The following TENM3 variants were observed in gnomAD, a reference collection of about 807,000 sequenced individuals.
The protein encoded by TENM3 is teneurin transmembrane protein 3, also known as teneurin-3.
In TENM3, 63 loss-of-function variants were observed where a neutral mutation model predicts 255.1. That is an observed-to-expected ratio of 0.25 (90% CI 0.20 to 0.30). The LOEUF (loss-of-function observed/expected upper bound fraction) is 0.30. TENM3 is among the 10% of genes least tolerant of loss of function. The probability of loss-of-function intolerance (pLI) is 1.00; values close to 1 mark genes in which losing one functional copy is unlikely to be tolerated. For missense variants in TENM3, 2,929 were observed against 3,461.1 expected, an observed-to-expected ratio of 0.85 and a Z score of 3.86; for synonymous variants, 1,306 against 1,322.3, an observed-to-expected ratio of 0.99 and a Z score of 0.27.
chr4:182,729,130 T>C lies in TENM3; in HGVS notation c.2534T>C (p.Ile845Thr). 3.1e-6 allele frequency: 5 copies of C among 1,614,002 alleles called. No individual in the cohort carries two copies. Among genetic ancestry groups the C allele is most frequent in the Non-Finnish European group, 4.2e-6 (5 of 1,179,888 alleles). The change falls in exon 14 of 28, where the codon ATA becomes ACA. Residue 845 changes from isoleucine to threonine, a missense_variant. Physicochemically the swap from Ile to Thr is moderately conservative, Grantham distance 89 (BLOSUM62 -1). Transcript: ENST00000511685. Reference sequence around the variant, plus strand: ...TTTTATGATCGAATCAGTTTCCTTATAGGATCTGATAGCACCCATGTTATA... The same window carrying C: ...TTTTATGATCGAATCAGTTTCCTTACAGGATCTGATAGCACCCATGTTATA... ...KSFYDRISFL[I>T]GSDSTHVIPG...
rs956943369 is a variant in TENM3, at chr4:182,667,776, G to A, written c.1112-5229G>A. ...ACAGGAAGGGGAACATCACACACCG[G>A]GGTCACACACCGGGGCCTATCATGG... On this transcript the variant is annotated intron_variant, in intron 6 of 27. Transcript: ENST00000511685. Among the ~76,000 whole-genome samples, 4 of 89,342 alleles carry A rather than the reference G, an allele frequency of 4.5e-5. No homozygotes were observed. The Admixed American group carries it at 5.0e-4, about 11-fold the overall frequency. The allele number at this position is 89,342 out of a possible 152,430, so 58.6% of individuals were successfully genotyped here. A position where few individuals can be genotyped will look rare whatever the true frequency, so the allele number is the denominator to read the frequency against.
the TENM3 span, among the ~76,000 whole-genome samples, chr4:181,671,415 G>A: frequency 2.0e-5 from 3 of 152,294 alleles, no homozygotes; most frequent in South Asian, 6.2e-4. Flanking sequence ...CAGTAAATGG[G>A]CAGAGTGTGA....
chr4:182,575,351 A>G (rs1272859005), intron 3 of TENM3, among the ~76,000 whole-genome samples: 1 of 152,174 alleles, frequency 6.6e-6, no homozygotes, highest in Non-Finnish European at 1.5e-5. Flanking sequence ...AAAGGGCCAG[A>G]TAGTAAATAT....
the TENM3 span, among the ~76,000 whole-genome samples, chr4:181,467,125 A>ATTTTTTTTTTTT: frequency 4.0e-3 from 70 of 17,426 alleles, no homozygotes; most frequent in Non-Finnish European, 5.7e-3. Context: ...ATATATATAT[A>ATTTTTTTTTTTT]TTTTTTTTTT....
intron 3 of TENM3, among the ~76,000 whole-genome samples, chr4:182,559,891 A>G (rs1246418587): frequency 1.3e-5 from 2 of 152,132 alleles, no homozygotes; most frequent in Non-Finnish European, 2.9e-5. Context: ...ATTTAATTGT[A>G]CATTTTAAAA....
At chr4:182,077,172 A>G in the TENM3 span, among the ~76,000 whole-genome samples, 2 of 152,140 alleles carry the variant, frequency 1.3e-5, no homozygotes, top group African/African-American at 4.8e-5. Context: ...GGGTTGATCT[A>G]TATCATTTCC....
the TENM3 span, among the ~76,000 whole-genome samples, chr4:181,966,027 T>C: frequency 7.2e-5 from 11 of 152,244 alleles, no homozygotes; most frequent in Admixed American, 2.6e-4. Context: ...TAGTGACTTT[T>C]ATAAGCTATC....
At chr4:182,637,226 TATACAAATAAAG>T (rs1426407484) in intron 5 of TENM3, among the ~76,000 whole-genome samples, 6 of 152,212 alleles carry the variant, frequency 3.9e-5, no homozygotes, top group African/African-American at 1.4e-4. Flanking sequence ...CATCCTAGAA[TATACAAATAAAG>T]ATACAAATAT....
At chr4:182,427,233 C>T (rs1268211125) in intron 3 of TENM3, among the ~76,000 whole-genome samples, 1 of 152,148 alleles carries the variant, frequency 6.6e-6, no homozygotes, top group Non-Finnish European at 1.5e-5. Context: ...ACACTTTGGA[C>T]GTTAGGATAT....
At chr4:181,781,532 G>A in the TENM3 span, among the ~76,000 whole-genome samples, 5 of 152,164 alleles carry the variant, frequency 3.3e-5, no homozygotes, top group African/African-American at 1.2e-4. Context: ...AGATGATGGG[G>A]TTTTCTAAAT....
At chr4:181,693,319 A>G in the TENM3 span, among the ~76,000 whole-genome samples, 1 of 152,188 alleles carries the variant, frequency 6.6e-6, no homozygotes, top group Non-Finnish European at 1.5e-5. Context: ...CTCGTCTTAG[A>G]GACTTCACAG....
intron 1 of TENM3, among the ~76,000 whole-genome samples, chr4:182,202,729 G>A (rs1416048974): frequency 6.6e-6 from 1 of 151,374 alleles, no homozygotes; most frequent in Non-Finnish European, 1.5e-5. Context: ...GAATGTGGCA[G>A]AGAGAGAGAG....
At chr4:182,533,073 G>A (rs1213237735) in intron 3 of TENM3, among the ~76,000 whole-genome samples, 1 of 152,208 alleles carries the variant, frequency 6.6e-6, no homozygotes, top group African/African-American at 2.4e-5. Flanking sequence ...GAGCACTAAA[G>A]AGAGTTGTGC....
At chr4:182,094,636 T>C in the TENM3 span, among the ~76,000 whole-genome samples, 1 of 152,164 alleles carries the variant, frequency 6.6e-6, no homozygotes, top group African/African-American at 2.4e-5. Flanking sequence ...TACAATGTTA[T>C]GATAAGATGA....
intron 3 of TENM3, among the ~76,000 whole-genome samples, chr4:182,406,030 G>A (rs1447313005): frequency 1.3e-5 from 2 of 152,210 alleles, no homozygotes; most frequent in African/African-American, 4.8e-5. Context: ...CTCACACTGG[G>A]CATGGTGGTT....
chr4:182,387,039 C>A (rs934487096), intron 3 of TENM3, among the ~76,000 whole-genome samples: 3 of 152,218 alleles, frequency 2.0e-5, no homozygotes, highest in Non-Finnish European at 4.4e-5. Context: ...CGTGGAGAGT[C>A]TTTATATCTA....
chr4:181,801,855 G>A, the TENM3 span, among the ~76,000 whole-genome samples: 1 of 151,712 alleles, frequency 6.6e-6, no homozygotes, highest in Non-Finnish European at 1.5e-5. Context: ...ATAACTTGAT[G>A]CAACTAAGCT....
intron 3 of TENM3, among the ~76,000 whole-genome samples, chr4:182,436,555 C>T (rs1318099654): frequency 1.3e-5 from 2 of 152,068 alleles, no homozygotes; most frequent in Admixed American, 6.5e-5. Flanking sequence ...GATAAGACAC[C>T]GAATCATTGG....
chr4:182,334,457 G>A (rs761984138), intron 2 of TENM3, among the ~76,000 whole-genome samples: 6 of 152,038 alleles, frequency 3.9e-5, no homozygotes, highest in Admixed American at 6.5e-5. Flanking sequence ...AAATTCAAGT[G>A]ATCATAAAAT....
Sources: gnomAD v4.1 joint callset for allele counts (sites outside exome capture counted in the v4.1 genomes callset) on GRCh38, gnomAD v4.1.1 for gene constraint, MANE v1.5 for transcripts, NCBI Gene and HGNC (gene_info 2026-07-23, HGNC 2026-07-21) for gene names.